The following CLCF1 variants were observed in gnomAD, a reference collection of about 807,000 sequenced individuals.
CLCF1 encodes cardiotrophin-like cytokine factor 1.
CLCF1 carries 10 observed loss-of-function variants against 21.2 expected under a neutral mutation model. The ratio of observed to expected loss-of-function variants is 0.47; its 90% CI spans 0.29 to 0.80. CLCF1 has a LOEUF of 0.80. Ranked by LOEUF, CLCF1 falls within the 30% of genes least tolerant of loss-of-function variation. The probability of loss-of-function intolerance (pLI) is 0.09; values close to 1 mark genes in which losing one functional copy is unlikely to be tolerated. For missense variants in CLCF1, 240 were observed against 293.4 expected (o/e 0.82, Z 1.33); for synonymous variants, 115 against 120.5 (o/e 0.95, Z 0.30).
rs1862283008 is a variant in CLCF1, at chr11:67,373,536, C to T, written c.4G>A (p.Asp2Asn). 7.0e-7 allele frequency: 1 copy of T among 1,430,970 alleles called. No homozygotes were observed. Among genetic ancestry groups the T allele is most frequent in the Non-Finnish European group, 9.1e-7 (1 of 1,093,796 alleles). 88.6% of individuals were successfully genotyped at this position (1,430,970 alleles called of 1,614,324 possible). M[D>N]LRAGDSWGML... ...GCCTGGCTCCTACCTGCTCGGAGGT[C>T]CATGGGGCTGGGGCCGGGCCGGCCG... The change falls in exon 1 of 3, where the codon GAC becomes AAC. Residue 2 changes from aspartate to asparagine, a missense_variant. Asp to Asn is a conservative substitution (Grantham distance 23). Coordinates refer to ENST00000312438, the MANE Select transcript of CLCF1 (RefSeq NM_013246.3).
chr11:67,370,338 C>A, intron 1 of CLCF1: 9 of 985,264 alleles, frequency 9.1e-6, no homozygotes, highest in Non-Finnish European at 1.1e-5. Flanking sequence ...TCATGTTGTG[C>A]AGGTGGACCC....
In CLCF1 at chr11:67,365,109, G is replaced by C. The variant is rs774040224; in HGVS notation, c.*27C>G. On this transcript the variant is annotated 3_prime_UTR_variant, in exon 3 of 3. Transcript: ENST00000312438. The surrounding 1 kb of genome is among the most constrained non-coding windows in gnomAD (Gnocchi z 5.0). ...CACAAAGTGGGAGCAGGGTTTGAAGGGGGAGCGAAGAGGAGAAGGTCAGAA... is the reference window on the plus strand; with the variant it reads ...CACAAAGTGGGAGCAGGGTTTGAAGCGGGAGCGAAGAGGAGAAGGTCAGAA... 2.5e-5 allele frequency: 40 copies of C among 1,612,946 alleles called. No homozygotes were observed. Among genetic ancestry groups the C allele is most frequent in the Non-Finnish European group, 3.2e-5 (38 of 1,179,992 alleles).
chr11:67,370,536 AACAGCCCCCC>A, intron 1 of CLCF1: 1 of 840,216 alleles, frequency 1.2e-6, no homozygotes. Context: ...CGTTTCCTGC[AACAGCCCCCC>A]ACCCCCGGCC....
intron 1 of CLCF1, 151 bp from the exon 2 acceptor site, chr11:67,367,777 A>G: frequency 6.7e-7 from 1 of 1,502,178 alleles, no homozygotes; most frequent in Non-Finnish European, 8.9e-7. Context: ...GAGGAGGGGA[A>G]ACACTCCTGG....
At chr11:67,371,043 G>A in intron 1 of CLCF1, 2 of 985,390 alleles carry the variant, frequency 2.0e-6, no homozygotes, top group Non-Finnish European at 2.4e-6. Flanking sequence ...GGATGGAGTG[G>A]GTTAGGCGGG....
At position 67,367,414 on chromosome 11, in the gene CLCF1, C is replaced by G. The variant is rs143166489; in HGVS notation, c.183+46G>C. The stretch of plus-strand genomic sequence containing the variant: ...CACGGTTAGGACTGTCTTTCCCCAA[C>G]TCCTCACTCCTCCCCAACTCCCAGA... On this transcript the variant is annotated intron_variant, in intron 2 of 2. Transcript: ENST00000312438. The G allele has an allele frequency of 4.1e-4, 663 of 1,613,798 alleles. 6 individuals are homozygous for G. In the African/African-American group the frequency reaches 7.4e-3, roughly 18 times the overall value.
In CLCF1 at chr11:67,365,163, G is replaced by A. The variant is rs755658215; in HGVS notation, c.651C>T (p.Thr217=). ...AGAAGCCATGAGCCCCCAGGTGCAG[G>A]GTGACTGCAGCTGCTGGAGGCTGCA... ...KKMQPPAAAV[T]LHLGAHGF Residue 217 remains threonine, a synonymous_variant, in exon 3 of 3, where the codon ACC becomes ACT. Coordinates refer to ENST00000312438, the MANE Select transcript of CLCF1 (RefSeq NM_013246.3). This position sits in a 1 kb window ranked among gnomAD's most constrained non-coding sequence, Gnocchi z 5.0. The A allele has an allele frequency of 1.8e-5, 29 of 1,613,888 alleles. No individual in the cohort carries two copies. The highest frequency in any genetic ancestry group is 2.4e-5 in the Non-Finnish European group (28 of 1,180,048).
chr11:67,373,471 C>A, intron 1 of CLCF1, 53 bp downstream of exon 1: 2 of 1,012,642 alleles, frequency 2.0e-6, no homozygotes, highest in South Asian at 1.5e-5. Context: ...GGAACCGGAT[C>A]TCGTGGCTGC....
rs374786448 is a variant in CLCF1 at position 67,365,177 on chromosome 11, C to G, written c.637G>C (p.Ala213Pro). 5.0e-6 allele frequency: 8 copies of G among 1,613,906 alleles called. No individual in the cohort carries two copies. Among genetic ancestry groups the G allele is most frequent in the Non-Finnish European group, 6.8e-6 (8 of 1,180,040 alleles). ...CCCAGGTGCAGGGTGACTGCAGCTG[C>G]TGGAGGCTGCATCTTCTTCTTGAGC... ...NRLKKKMQPP[A>P]AAVTLHLGAH... The change falls in exon 3 of 3, where the codon GCA becomes CCA. Residue 213 changes from alanine to proline, a missense_variant. Ala to Pro is a conservative substitution (Grantham distance 27). Transcript: ENST00000312438. The surrounding 1 kb of genome is among the most constrained non-coding windows in gnomAD (Gnocchi z 5.0).
chr11:67,368,044 T>C (rs1862153689), intron 1 of CLCF1: 1 of 985,154 alleles, frequency 1.0e-6, no homozygotes, highest in Non-Finnish European at 1.2e-6. Context: ...CACTGCAGCT[T>C]GAGGGGAGTC....
intron 2 of CLCF1, among the ~76,000 whole-genome samples, chr11:67,366,692 G>A (rs940930914): frequency 2.0e-5 from 3 of 152,128 alleles, no homozygotes; most frequent in African/African-American, 7.2e-5. Context: ...ACGCTGACAA[G>A]CACAGAGACA....
At position 67,365,025 on chromosome 11, in the gene CLCF1, C is replaced by T; in HGVS notation, c.*111G>A. The T allele has an allele frequency of 6.4e-7, 1 of 1,568,696 alleles. No homozygotes were observed. Among genetic ancestry groups the T allele is most frequent in the South Asian group, 1.2e-5 (1 of 86,430 alleles). On this transcript the variant is annotated 3_prime_UTR_variant, in exon 3 of 3. Coordinates refer to ENST00000312438, the MANE Select transcript of CLCF1 (RefSeq NM_013246.3). This position sits in a 1 kb window ranked among gnomAD's most constrained non-coding sequence, Gnocchi z 5.0. ...ACGCCCAGCCGGTCCAGGAAAGGGC[C>T]AGAGGCTCACAGCTTCTGTCTCCTG...
intron 1 of CLCF1, chr11:67,368,512 G>C: frequency 1.0e-6 from 1 of 985,370 alleles, no homozygotes; most frequent in Non-Finnish European, 1.2e-6. Flanking sequence ...TGTAAGGAGG[G>C]ATGTGGGCAG....
At position 67,365,706 on chromosome 11, in the gene CLCF1, A is replaced by C; in HGVS notation, c.184-76T>G. The C allele has an allele frequency of 6.6e-7, 1 of 1,515,970 alleles. No homozygotes were observed. The highest frequency in any genetic ancestry group is 8.8e-7 in the Non-Finnish European group (1 of 1,133,318). 93.9% of individuals were successfully genotyped at this position (1,515,970 alleles called of 1,614,324 possible). A position where few individuals can be genotyped will look rare whatever the true frequency, so the allele number is the denominator to read the frequency against. On this transcript the variant is annotated intron_variant, in intron 2 of 2. Coordinates refer to ENST00000312438, the MANE Select transcript of CLCF1 (RefSeq NM_013246.3). The surrounding 1 kb of genome is among the most constrained non-coding windows in gnomAD (Gnocchi z 5.0). ...CACCACCAAGGAGATACCTGCTCCC[A>C]AAGTTTCTATTTTTTGTGTCCCCTG...
chr11:67,368,172 G>A (rs1225600844), intron 1 of CLCF1: 5 of 985,316 alleles, frequency 5.1e-6, no homozygotes, highest in East Asian at 1.1e-4. Context: ...GCAAGGTATA[G>A]GGTTAGACCA....
rs1456192597 is a variant in CLCF1 at position 67,365,728 on chromosome 11, C to T, written c.184-98G>A. ...CCCAAAGTTTCTATTTTTTGTGTCC[C>T]CTGACACTGGCCCTGTCTCCATGCT... On this transcript the variant is annotated intron_variant, in intron 2 of 2. Coordinates refer to ENST00000312438, the MANE Select transcript of CLCF1 (RefSeq NM_013246.3). This position sits in a 1 kb window ranked among gnomAD's most constrained non-coding sequence, Gnocchi z 5.0. 1.3e-6 allele frequency: 2 copies of T among 1,491,564 alleles called. No homozygotes were observed. Among genetic ancestry groups the T allele is most frequent in the Non-Finnish European group, 1.8e-6 (2 of 1,117,202 alleles). 92.4% of individuals were successfully genotyped at this position (1,491,564 alleles called of 1,614,324 possible). A position where few individuals can be genotyped will look rare whatever the true frequency, so the allele number is the denominator to read the frequency against.
rs775926530 is a variant in CLCF1, at chr11:67,365,589, G to A, written c.225C>T (p.Asn75=). 3.7e-6 allele frequency: 6 copies of A among 1,613,282 alleles called. No individual in the cohort carries two copies. In the Admixed American group the frequency reaches 1.0e-4, roughly 27 times the overall value. The stretch of plus-strand genomic sequence containing the variant: ...GAGTCTCTGCCCCCAGGCGGGGAGG[G>A]TTGAAGTCTGGCTCGTTGAAAGGGG... ...LGPPFNEPDF[N]PPRLGAETLP... Residue 75 remains asparagine (N), a synonymous_variant, in exon 3 of 3, where the codon AAC becomes AAT. Coordinates refer to ENST00000312438, the MANE Select transcript of CLCF1 (RefSeq NM_013246.3). This position sits in a 1 kb window ranked among gnomAD's most constrained non-coding sequence, Gnocchi z 5.0.
rs150131356 is a variant in CLCF1 at position 67,365,523 on chromosome 11, G to A, written c.291C>T (p.Leu97=). 32 of 1,614,108 alleles carry A rather than the reference G, an allele frequency of 2.0e-5. No individual in the cohort carries two copies. The East Asian group carries it at 6.5e-4, about 33-fold the overall frequency. Reference sequence around the variant, plus strand: ...TCTGGGTCAGCCGCAGTTTGTCATTGAGGCTTCGCCACACCTCCAAGTCAA... The same window carrying A: ...TCTGGGTCAGCCGCAGTTTGTCATTAAGGCTTCGCCACACCTCCAAGTCAA... ...ATVDLEVWRS[L]NDKLRLTQNY... is the part of the protein sequence containing the mutation. Residue 97 remains leucine (L), a synonymous_variant, in exon 3 of 3, where the codon CTC becomes CTT. Transcript: ENST00000312438. The surrounding 1 kb of genome is among the most constrained non-coding windows in gnomAD (Gnocchi z 5.0).
chr11:67,370,695 G>T, intron 1 of CLCF1: 1 of 985,350 alleles, frequency 1.0e-6, no homozygotes, highest in Non-Finnish European at 1.2e-6. Flanking sequence ...AGGCGCACCC[G>T]TGAGCACATG....
Sources: gnomAD v4.1 joint callset for allele counts (sites outside exome capture counted in the v4.1 genomes callset) on GRCh38, gnomAD v4.1.1 for gene constraint, Gnocchi (gnomAD v3.1) non-coding constraint, MANE v1.5 for transcripts, NCBI Gene and HGNC (gene_info 2026-07-23, HGNC 2026-07-21) for gene names.